Variants in TMEM120B observed in about 807,000 individuals in gnomAD.
TMEM120B encodes transmembrane protein 120B.
In TMEM120B, 31 loss-of-function variants were observed where a neutral mutation model predicts 55.5. The observed-to-expected ratio is 0.56, with a 90% CI of 0.42 to 0.75. The LOEUF (loss-of-function observed/expected upper bound fraction) is 0.75, where lower values mean the gene tolerates loss of function less well. Among genes scored for constraint, TMEM120B ranks in the 30% least tolerant of loss-of-function variants. TMEM120B has a pLI of 0.00. For synonymous variants in TMEM120B, 203 were observed against 176.3 expected (o/e 1.15, Z -1.20); for missense variants, 399 against 425.5 (o/e 0.94, Z 0.55).
Position 121,775,008 on chromosome 12 carries a change from A to T in TMEM120B, c.838-54A>T, listed in dbSNP as rs1394921610. On this transcript the variant is annotated intron_variant, in intron 10 of 11. Coordinates refer to ENST00000449592, the MANE Select transcript of TMEM120B (RefSeq NM_001080825.2). This position sits in a 1 kb window ranked among gnomAD's most constrained non-coding sequence, Gnocchi z 4.3. ...GGCCTGGCCATCACCCTGGCTTTCT[A>T]CGTGGCCGGCCAGGGGAGTCTGGTG... 5 of 1,587,034 alleles carry T rather than the reference A, an allele frequency of 3.2e-6. No homozygotes were observed. The highest frequency in any genetic ancestry group is 3.4e-5 in the Admixed American group (2 of 59,486).
At chr12:121,750,810 A>C (rs1216979967) in intron 4 of TMEM120B, among the ~76,000 whole-genome samples, 6 of 68,634 alleles carry the variant, frequency 8.7e-5, no homozygotes, top group South Asian at 1.1e-3. Context: ...CACCCCATAC[A>C]CAACACCCCA....
intron 1 of TMEM120B, among the ~76,000 whole-genome samples, chr12:121,725,042 A>T (rs75071707): frequency 1.3e-5 from 2 of 152,262 alleles, no homozygotes; most frequent in South Asian, 4.1e-4. Context: ...TCTCTCTTGG[A>T]TGAATAAGTG....
intron 1 of TMEM120B, among the ~76,000 whole-genome samples, chr12:121,743,395 C>CAA (rs370948514): frequency 1.1e-4 from 16 of 141,132 alleles, no homozygotes; most frequent in African/African-American, 3.4e-4. Context: ...CTAAAAATAC[C>CAA]AAAAAAAAAA....
At chr12:121,758,676 A>G (rs1196737414) in intron 5 of TMEM120B, 1 of 960,726 alleles carries the variant, frequency 1.0e-6, no homozygotes, top group South Asian at 4.8e-5. Flanking sequence ...ATGGAGGAGG[A>G]TGGCCTAGCT....
chr12:121,734,359 A>G (rs1363238202), intron 1 of TMEM120B, among the ~76,000 whole-genome samples: 2 of 151,932 alleles, frequency 1.3e-5, no homozygotes, highest in Admixed American at 6.6e-5. Flanking sequence ...CCCAGGTTCA[A>G]GCAATTCTCC....
At chr12:121,717,141 C>T (rs1894717271) in intron 1 of TMEM120B, among the ~76,000 whole-genome samples, 1 of 152,156 alleles carries the variant, frequency 6.6e-6, no homozygotes, top group Non-Finnish European at 1.5e-5. Context: ...GACCAGTGTG[C>T]TCCTGGTCTC....
chr12:121,750,889 C>T lies in TMEM120B; in HGVS notation c.365+450C>T, dbSNP rs111068579. The stretch of plus-strand genomic sequence containing the variant: ...CACACCCACACCACACACCACACCC[C>T]ACATCCCACACCCACACCCCACACC... On this transcript the variant is annotated intron_variant, in intron 4 of 11. Coordinates refer to ENST00000449592, the MANE Select transcript of TMEM120B (RefSeq NM_001080825.2). Among the ~76,000 whole-genome samples, 361 of 122,590 alleles carry T rather than the reference C, an allele frequency of 2.9e-3. 3 individuals carry two copies. The highest frequency in any genetic ancestry group is 0.012 in the African/African-American group (351 of 30,294). The allele number at this position is 122,590 out of a possible 152,430, so 80.4% of individuals were successfully genotyped here.
intron 8 of TMEM120B, 150 bp downstream of exon 8, chr12:121,771,699 C>A: frequency 1.3e-6 from 1 of 788,746 alleles, no homozygotes; most frequent in Non-Finnish European, 2.1e-6. Flanking sequence ...AGAAGGAGAG[C>A]TGTCCCCGCC....
At chr12:121,725,088 T>A (rs1894868773) in intron 1 of TMEM120B, among the ~76,000 whole-genome samples, 1 of 152,220 alleles carries the variant, frequency 6.6e-6, no homozygotes, top group Non-Finnish European at 1.5e-5. Flanking sequence ...AATGTTTTCC[T>A]TATAATTACC....
intron 4 of TMEM120B, among the ~76,000 whole-genome samples, chr12:121,751,310 C>G (rs541128127): frequency 8.4e-6 from 1 of 119,068 alleles, no homozygotes; most frequent in Non-Finnish European, 1.8e-5. Flanking sequence ...CACACCCACA[C>G]CCCATACCCC....
intron 1 of TMEM120B, among the ~76,000 whole-genome samples, chr12:121,738,012 C>CAAAA (rs59357934): frequency 2.9e-5 from 2 of 69,382 alleles, no homozygotes; most frequent in Non-Finnish European, 3.0e-5. Context: ...CCTGTCTCCA[C>CAAAA]AAAAAAAAAA....
intron 2 of TMEM120B, among the ~76,000 whole-genome samples, chr12:121,746,400 T>G (rs1218311887): frequency 6.6e-6 from 1 of 152,134 alleles, no homozygotes; most frequent in African/African-American, 2.4e-5. Context: ...TTGGTCATGC[T>G]GGTCTTGAAC....
At chr12:121,758,981 T>A in intron 5 of TMEM120B, 5 of 985,370 alleles carry the variant, frequency 5.1e-6, no homozygotes, top group Non-Finnish European at 6.0e-6. Context: ...GAAAAGGAGT[T>A]CTTCAGTTAG....
At chr12:121,752,773 T>G (rs1873370347) in intron 5 of TMEM120B, among the ~76,000 whole-genome samples, 1 of 151,466 alleles carries the variant, frequency 6.6e-6, no homozygotes, top group African/African-American at 2.4e-5. Context: ...TTCACTGTGG[T>G]CTATCTGTAC....
chr12:121,757,902 G>A (rs1175558982), intron 5 of TMEM120B, among the ~76,000 whole-genome samples: 2 of 152,182 alleles, frequency 1.3e-5, no homozygotes, highest in East Asian at 1.9e-4. Context: ...ATCCACCCAC[G>A]TTAGCCTCCC....
intron 1 of TMEM120B, among the ~76,000 whole-genome samples, chr12:121,735,059 G>A (rs528192202): frequency 1.8e-4 from 27 of 151,772 alleles, no homozygotes; most frequent in East Asian, 3.9e-4. Flanking sequence ...GGTGGCATGC[G>A]CCTGTAGTCC....
At chr12:121,770,535 G>A (rs1015849440) in intron 6 of TMEM120B, among the ~76,000 whole-genome samples, 14 of 152,054 alleles carry the variant, frequency 9.2e-5, no homozygotes, top group East Asian at 5.8e-4. Context: ...GAGGGCCTGC[G>A]TGCTGGGGAG....
rs748009236 is a variant in TMEM120B at position 121,743,767 on chromosome 12, G to A, written c.188+20G>A. ...CCAGAGGTAGGTGCAGCTGTAGCCC[G>A]GGGGCTGCCCTGGTTCTGAGGGACA... On this transcript the variant is annotated intron_variant, in intron 2 of 11. Transcript: ENST00000449592. 1.0e-5 allele frequency: 16 copies of A among 1,546,676 alleles called. No homozygotes were observed. The Admixed American group carries it at 1.2e-4, about 11-fold the overall frequency.
At chr12:121,758,758 G>C in intron 5 of TMEM120B, 1 of 979,474 alleles carries the variant, frequency 1.0e-6, no homozygotes, top group Non-Finnish European at 1.2e-6. Context: ...GGACGGCCCA[G>C]CCCTGCGCTG....
Sources: allele counts gnomAD v4.1 joint callset (sites outside exome capture counted in the v4.1 genomes callset), GRCh38; gene constraint gnomAD v4.1.1; non-coding constraint Gnocchi (gnomAD v3.1); transcripts MANE v1.5; gene names NCBI Gene and HGNC (gene_info 2026-07-23, HGNC 2026-07-21).